Variants in KCNH7 observed in about 807,000 individuals in gnomAD.
The protein encoded by KCNH7 is potassium voltage-gated channel subfamily H member 7.
Under a neutral mutation model 120.8 loss-of-function variants are expected in KCNH7, and 49 were observed. The observed-to-expected ratio is 0.41, with a 90% confidence interval of 0.32 to 0.51. KCNH7 has a LOEUF of 0.51. Among genes scored for constraint, KCNH7 ranks in the 20% least tolerant of loss-of-function variants. The pLI, the probability that KCNH7 is intolerant of heterozygous loss-of-function variation, is 0.38. For missense variants in KCNH7, 1,097 were observed against 1,446.6 expected (o/e 0.76, Z 3.92); for synonymous variants, 547 against 516.1 (o/e 1.06, Z -0.81).
At chr2:162,559,088 A>AAAAAC (rs1402241648) in intron 2 of KCNH7, among the ~76,000 whole-genome samples, 8 of 151,638 alleles carry the variant, frequency 5.3e-5, no homozygotes, top group African/African-American at 1.9e-4. Flanking sequence ...CAAAAAAACA[A>AAAAAC]AAAACAAAAA....
At chr2:162,761,514 C>G (rs577518383) in intron 2 of KCNH7, among the ~76,000 whole-genome samples, 3 of 152,144 alleles carry the variant, frequency 2.0e-5, no homozygotes, top group South Asian at 4.1e-4. Flanking sequence ...ATATCTGATT[C>G]GATTACAGCA....
intron 2 of KCNH7, among the ~76,000 whole-genome samples, chr2:162,651,083 A>G (rs982433185): frequency 6.6e-6 from 1 of 152,244 alleles, no homozygotes; most frequent in Non-Finnish European, 1.5e-5. Flanking sequence ...AACACTGCCC[A>G]AAGGTATACT....
At chr2:162,636,639 G>A (rs1237907260) in intron 2 of KCNH7, among the ~76,000 whole-genome samples, 1 of 151,938 alleles carries the variant, frequency 6.6e-6, no homozygotes, top group African/African-American at 2.4e-5. Context: ...CATCACAAGT[G>A]CACATTTTAA....
At chr2:162,820,033 C>CTTTTTTTT (rs66809770) in intron 2 of KCNH7, among the ~76,000 whole-genome samples, 13 of 77,028 alleles carry the variant, frequency 1.7e-4, no homozygotes, top group South Asian at 6.0e-4. Flanking sequence ...ATTCCATAAA[C>CTTTTTTTT]TTTTTTTTTT....
At chr2:162,630,274 GA>G (rs1234660952) in intron 2 of KCNH7, among the ~76,000 whole-genome samples, 1 of 152,044 alleles carries the variant, frequency 6.6e-6, no homozygotes, top group African/African-American at 2.4e-5. Flanking sequence ...TGTGGATCTA[GA>G]GCTTAGAGGA....
At chr2:162,429,267 A>G (rs1218524697) in intron 8 of KCNH7, among the ~76,000 whole-genome samples, 1 of 151,284 alleles carries the variant, frequency 6.6e-6, no homozygotes, top group Non-Finnish European at 1.5e-5. Context: ...TTTTGGTACT[A>G]TCATTGTCAT....
rs1692355840 is a variant in KCNH7, at chr2:162,542,807, A to G, written c.308-5727T>C. Among the ~76,000 whole-genome samples, 3 of 152,168 alleles carry G rather than the reference A, an allele frequency of 2.0e-5. No homozygotes were observed. In the South Asian group the frequency reaches 6.2e-4, roughly 32 times the overall value. On this transcript the variant is annotated intron_variant, in intron 2 of 15. Coordinates refer to ENST00000332142, the MANE Select transcript of KCNH7 (RefSeq NM_033272.4). ...GGTCAAATGGTATTTCTAGTTCTAG[A>G]TCCCAGAGGAATCGCCACACTGTCT...
At chr2:162,456,411 G>A (rs902028454) in intron 6 of KCNH7, among the ~76,000 whole-genome samples, 47 of 151,958 alleles carry the variant, frequency 3.1e-4, no homozygotes, top group African/African-American at 1.0e-3. Context: ...TTGCTGAGGA[G>A]TGTTTTACTT....
At chr2:162,542,782 G>A (rs112839035) in intron 2 of KCNH7, among the ~76,000 whole-genome samples, 1 of 152,034 alleles carries the variant, frequency 6.6e-6, no homozygotes, top group African/African-American at 2.4e-5. Context: ...GGGATGGCTG[G>A]GTCAAATGGT....
intron 2 of KCNH7, among the ~76,000 whole-genome samples, chr2:162,685,729 C>T (rs73974038): frequency 0.032 from 4,890 of 151,278 alleles, 206 homozygotes; most frequent in African/African-American, 0.1. Flanking sequence ...AAAAAAAAGT[C>T]AGAGTGGGAA....
chr2:162,439,821 C>T (rs1445624496), intron 7 of KCNH7, among the ~76,000 whole-genome samples: 1 of 151,472 alleles, frequency 6.6e-6, no homozygotes, highest in African/African-American at 2.4e-5. Context: ...TTAAACTAAG[C>T]ACTATTTAAA....
At chr2:162,747,034 T>G (rs1308009964) in intron 2 of KCNH7, among the ~76,000 whole-genome samples, 1 of 152,158 alleles carries the variant, frequency 6.6e-6, no homozygotes, top group Non-Finnish European at 1.5e-5. Flanking sequence ...ATGAAAATTC[T>G]TAATCACTTT....
chr2:162,577,330 TGTCTATC>T (rs879263448), intron 2 of KCNH7, among the ~76,000 whole-genome samples: 3,459 of 118,962 alleles, frequency 0.029, 59 homozygotes, highest in Non-Finnish European at 0.04. Flanking sequence ...TCTATCTATC[TGTCTATC>T]ATCTATCCAT....
rs188609279 is a variant in KCNH7 at position 162,746,503 on chromosome 2, C to G, written c.307+90034G>C. ...TCTGGCTTAAATGAACCAGAAAACT[C>G]AAACTCAAAACTCATCTCACACTGC... On this transcript the variant is annotated intron_variant, in intron 2 of 15. Transcript: ENST00000332142. 5.2e-3 allele frequency among the ~76,000 whole-genome samples: 797 copies of G among 152,160 alleles called. 13 individuals are homozygous for G. The highest frequency in any genetic ancestry group is 5.1e-3 in the Non-Finnish European group (346 of 67,958).
At chr2:162,776,714 A>G (rs1319446081) in intron 2 of KCNH7, among the ~76,000 whole-genome samples, 1 of 152,128 alleles carries the variant, frequency 6.6e-6, no homozygotes, top group Admixed American at 6.6e-5. Flanking sequence ...TGCATTCCAT[A>G]ATCTTAAAAG....
intron 2 of KCNH7, among the ~76,000 whole-genome samples, chr2:162,793,174 T>C (rs988837819): frequency 2.6e-5 from 4 of 152,006 alleles, no homozygotes; most frequent in Non-Finnish European, 4.4e-5. Flanking sequence ...GAGGCCATTA[T>C]CCTTAGCAAA....
chr2:162,468,550 T>C (rs909370494), intron 6 of KCNH7, among the ~76,000 whole-genome samples: 4 of 132,906 alleles, frequency 3.0e-5, no homozygotes, highest in African/African-American at 8.5e-5. Context: ...AGACGGAGTC[T>C]CAGTCTGTTG....
At chr2:162,609,243 A>G (rs1435446694) in intron 2 of KCNH7, among the ~76,000 whole-genome samples, 3 of 152,188 alleles carry the variant, frequency 2.0e-5, no homozygotes, top group African/African-American at 7.2e-5. Context: ...AAAGCCCCAC[A>G]AGACTAACAG....
chr2:162,551,570 A>T (rs1692669387), intron 2 of KCNH7, among the ~76,000 whole-genome samples: 1 of 152,178 alleles, frequency 6.6e-6, no homozygotes, highest in Non-Finnish European at 1.5e-5. Context: ...ACTAGAGAAC[A>T]AATATGATCA....
Sources: gnomAD v4.1 joint callset for allele counts (sites outside exome capture counted in the v4.1 genomes callset) on GRCh38, gnomAD v4.1.1 for gene constraint, MANE v1.5 for transcripts, NCBI Gene and HGNC (gene_info 2026-07-23, HGNC 2026-07-21) for gene names.